The following STRBP variants were observed in gnomAD, a reference collection of about 807,000 sequenced individuals.
STRBP encodes spermatid perinuclear RNA binding protein.
STRBP carries 13 observed loss-of-function variants against 80.1 expected under a neutral mutation model. The ratio of observed to expected loss-of-function variants is 0.16; its 90% CI spans 0.11 to 0.26. STRBP has a LOEUF of 0.26. STRBP is among the 10% of genes least tolerant of loss of function. STRBP has a pLI of 1.00. For missense variants in STRBP, 485 were observed against 815.2 expected, an observed-to-expected ratio of 0.59 and a Z score of 4.93; for synonymous variants, 284 against 291.2, an observed-to-expected ratio of 0.98 and a Z score of 0.25.
At chr9:123,175,784 C>T (rs887023743) in intron 4 of STRBP, among the ~76,000 whole-genome samples, 4 of 152,178 alleles carry the variant, frequency 2.6e-5, no homozygotes, top group Admixed American at 2.6e-4. Flanking sequence ...CAATAACCTC[C>T]TCCTTACTGG....
chr9:123,173,880 A>G (rs1253479378), intron 4 of STRBP, 38 bp from the exon 5 acceptor site: 5 of 1,562,048 alleles, frequency 3.2e-6, no homozygotes, highest in Non-Finnish European at 4.3e-6. Context: ...TTCACAACCT[A>G]TTTCCCAAAC....
chr9:123,183,308 C>T (rs2038565272), intron 3 of STRBP, among the ~76,000 whole-genome samples: 1 of 151,710 alleles, frequency 6.6e-6, no homozygotes, highest in African/African-American at 2.4e-5. Flanking sequence ...TGGTGGCGGG[C>T]ACCTATAATC....
chr9:123,119,442 T>C (rs931757815), downstream of STRBP, among the ~76,000 whole-genome samples: 4 of 133,484 alleles, frequency 3.0e-5, no homozygotes, highest in Admixed American at 1.8e-4. Flanking sequence ...GACTGGCTGG[T>C]AATTTAACTA....
chr9:123,202,805 C>T (rs949453231), intron 2 of STRBP, among the ~76,000 whole-genome samples: 2 of 152,076 alleles, frequency 1.3e-5, no homozygotes, highest in African/African-American at 4.8e-5. Context: ...AACATCACAC[C>T]TACTCCATAA....
chr9:123,263,689 C>G (rs1391003546), intron 1 of STRBP, among the ~76,000 whole-genome samples: 1 of 151,966 alleles, frequency 6.6e-6, no homozygotes, highest in Non-Finnish European at 1.5e-5. Context: ...TCAAAGCATA[C>G]GGAAATACCA....
intron 6 of STRBP, among the ~76,000 whole-genome samples, chr9:123,166,239 T>C (rs1431290246): frequency 6.6e-6 from 1 of 152,224 alleles, no homozygotes; most frequent in Non-Finnish European, 1.5e-5. Flanking sequence ...GGTTGACTTC[T>C]TTTGACCTAC....
chr9:123,213,912 A>G lies in STRBP; in HGVS notation c.-165+22918T>C, dbSNP rs1047041531. 1.2e-4 allele frequency: 18 copies of G among 145,434 alleles called. No homozygotes were observed. The Admixed American group carries it at 1.3e-3, about 10-fold the overall frequency. 9.0% of individuals were successfully genotyped at this position (145,434 alleles called of 1,614,324 possible). A position where few individuals can be genotyped will look rare whatever the true frequency, so the allele number is the denominator to read the frequency against. ...ACTCCAGCCAGCGTGACAAAGCGAGACTCCATCTCAAAAAAAAAAAAAAAA... is the reference window on the plus strand; with the variant it reads ...ACTCCAGCCAGCGTGACAAAGCGAGGCTCCATCTCAAAAAAAAAAAAAAAA... On this transcript the variant is annotated intron_variant, in intron 2 of 18. Transcript: ENST00000348403.
intron 1 of STRBP, among the ~76,000 whole-genome samples, chr9:123,244,866 A>T (rs2040767663): frequency 6.6e-6 from 1 of 152,252 alleles, no homozygotes. Context: ...TGTTCACAGC[A>T]GCTTTAACAG....
chr9:123,136,573 T>A lies in STRBP; in HGVS notation c.1498-58A>T. On this transcript the variant is annotated intron_variant, in intron 14 of 18. Coordinates refer to ENST00000348403, the MANE Select transcript of STRBP (RefSeq NM_018387.5). The surrounding 1 kb of genome is among the most constrained non-coding windows in gnomAD (Gnocchi z 4.2). ...AAGTAAGATTTTAGAATATTACATT[T>A]CTTATTAATACAATTATGCTAAGAA... is the stretch of plus-strand genomic sequence containing the variant. 1 of 1,578,678 alleles carries A rather than the reference T, an allele frequency of 6.3e-7. No homozygotes were observed.
Position 123,178,953 on chromosome 9 carries a change from T to C in STRBP, c.224+54A>G, listed in dbSNP as rs1052425826. The C allele has an allele frequency of 8.4e-6, 13 of 1,547,006 alleles. No homozygotes were observed. In the African/African-American group the frequency reaches 1.5e-4, roughly 18 times the overall value. ...AACACACACTCAATCCAGCAGACCT[T>C]AGAGCTTTGCTGTGCACTCTAGCAC... On this transcript the variant is annotated intron_variant, in intron 4 of 18. Coordinates refer to ENST00000348403, the MANE Select transcript of STRBP (RefSeq NM_018387.5).
chr9:123,200,970 T>A (rs1440113646), intron 2 of STRBP, among the ~76,000 whole-genome samples: 1 of 151,948 alleles, frequency 6.6e-6, no homozygotes, highest in African/African-American at 2.4e-5. Context: ...AGGAAGGTTG[T>A]ACGTTTCCAG....
chr9:123,149,988 A>C (rs1023110486), intron 11 of STRBP, among the ~76,000 whole-genome samples: 1 of 152,224 alleles, frequency 6.6e-6, no homozygotes, highest in African/African-American at 2.4e-5. Context: ...TAGTGAGTGT[A>C]ATGAAGGACA....
chr9:123,263,516 C>A (rs990150281), intron 1 of STRBP, among the ~76,000 whole-genome samples: 7 of 139,358 alleles, frequency 5.0e-5, no homozygotes, highest in Non-Finnish European at 9.0e-5. Context: ...CAGAGCAAGA[C>A]CCTGTCTCAA....
intron 2 of STRBP, among the ~76,000 whole-genome samples, chr9:123,209,588 A>C (rs2039637955): frequency 6.6e-6 from 1 of 152,220 alleles, no homozygotes. Context: ...AACAACATGT[A>C]AAGAGGATGG....
intron 1 of STRBP, among the ~76,000 whole-genome samples, chr9:123,259,497 C>A (rs1227298185): frequency 3.3e-5 from 5 of 151,876 alleles, no homozygotes. Flanking sequence ...ACCTGAGGTC[C>A]GGAGTTCGAG....
chr9:123,190,566 T>A (rs1404545524), intron 2 of STRBP, among the ~76,000 whole-genome samples: 1 of 152,160 alleles, frequency 6.6e-6, no homozygotes, highest in Admixed American at 6.5e-5. Flanking sequence ...CTATTCCTCC[T>A]TACCCAAAAA....
intron 11 of STRBP, among the ~76,000 whole-genome samples, chr9:123,155,062 A>C (rs1034604771): frequency 2.0e-5 from 3 of 152,322 alleles, no homozygotes; most frequent in African/African-American, 7.2e-5. Flanking sequence ...GATAGTGGGT[A>C]AGTAGAAAGG....
At chr9:123,240,597 C>T (rs1461368062) in intron 1 of STRBP, among the ~76,000 whole-genome samples, 2 of 152,140 alleles carry the variant, frequency 1.3e-5, no homozygotes, top group Non-Finnish European at 2.9e-5. Context: ...TTTCTATATC[C>T]TTATCTTTCT....
intron 1 of STRBP, among the ~76,000 whole-genome samples, chr9:123,257,361 G>GT (rs2041055511): frequency 6.6e-6 from 1 of 151,746 alleles, no homozygotes; most frequent in Non-Finnish European, 1.5e-5. Context: ...ATAATTTCTT[G>GT]TTCTTCTGAA....
Sources: allele counts gnomAD v4.1 joint callset (sites outside exome capture counted in the v4.1 genomes callset), GRCh38; gene constraint gnomAD v4.1.1; non-coding constraint Gnocchi (gnomAD v3.1); transcripts MANE v1.5; gene names NCBI Gene and HGNC (gene_info 2026-07-23, HGNC 2026-07-21).